The following CMKLR1 variants were observed in gnomAD, a reference collection of about 807,000 sequenced individuals.
CMKLR1 encodes the protein chemerin-like receptor 1.
CMKLR1 carries 6 observed loss-of-function variants against 8.2 expected under a neutral mutation model. The ratio of observed to expected loss-of-function variants is 0.73; its 90% CI spans 0.40 to 1.44. CMKLR1 has a LOEUF of 1.44. Ranked by LOEUF, CMKLR1 falls within the 40% of genes most tolerant of loss-of-function variation. The pLI, the probability that CMKLR1 is intolerant of heterozygous loss-of-function variation, is 0.02. For missense variants in CMKLR1, 429 were observed against 478.0 expected (o/e 0.90, Z 0.96); for synonymous variants, 178 against 181.2 (o/e 0.98, Z 0.14).
intron 2 of CMKLR1, among the ~76,000 whole-genome samples, chr12:108,323,590 A>G (rs1031875610): frequency 2.6e-5 from 4 of 152,166 alleles, no homozygotes; most frequent in African/African-American, 4.8e-5. Flanking sequence ...TCTGCTCCAA[A>G]TGTTCCATGA....
At position 108,290,784 on chromosome 12, in the gene CMKLR1, G is replaced by A. The variant is rs919043934; in HGVS notation, c.*1057C>T. The A allele has an allele frequency of 3.3e-5, 5 of 152,264 alleles. No individual in the cohort carries two copies. Among genetic ancestry groups the A allele is most frequent in the African/African-American group, 1.2e-4 (5 of 41,464 alleles). 9.4% of individuals were successfully genotyped at this position (152,264 alleles called of 1,614,324 possible). ...GCTCCAGACTCTGTCTCAAGTGACT[G>A]AGTCCTCGGACATACTCTTCTTCCC... On this transcript the variant is annotated 3_prime_UTR_variant, in exon 4 of 4. Coordinates refer to ENST00000550402, the MANE Select transcript of CMKLR1 (RefSeq NM_001142343.2).
At position 108,292,114 on chromosome 12, in the gene CMKLR1, C is replaced by T. The variant is rs1402194266; in HGVS notation, c.849G>A (p.Glu283=). ...WCPYHTLNLL[E]LHHTAMPGSV... The stretch of plus-strand genomic sequence containing the variant: ...AGCCAGGCATGGCAGTGTGGTGGAG[C>T]TCTAGGAGGTTGAGTGTGTGGTAGG... The change falls in exon 4 of 4, where the codon GAG becomes GAA. Residue 283 remains glutamate (E), a synonymous_variant. Transcript: ENST00000550402. The T allele has an allele frequency of 6.2e-7, 1 of 1,614,030 alleles. No homozygotes were observed. Among genetic ancestry groups the T allele is most frequent in the African/African-American group, 1.3e-5 (1 of 74,904 alleles).
At position 108,339,245 on chromosome 12, in the gene CMKLR1, G is replaced by T. The variant is rs1026753952; in HGVS notation, c.-505C>A. The T allele has an allele frequency of 1.3e-5, 2 of 152,230 alleles. No homozygotes were observed. The highest frequency in any genetic ancestry group is 6.5e-5 in the Admixed American group (1 of 15,286). The allele number at this position is 152,230 out of a possible 1,614,324, so 9.4% of individuals were successfully genotyped here. A position where few individuals can be genotyped will look rare whatever the true frequency, so the allele number is the denominator to read the frequency against. On this transcript the variant is annotated 5_prime_UTR_variant, in exon 1 of 4. Transcript: ENST00000550402. ...CGCAGCTGGAACACCCCTATCACCC[G>T]GAGGCTTCCCAGGGAGCCTGCTCTG...
intron 2 of CMKLR1, among the ~76,000 whole-genome samples, chr12:108,301,233 G>A (rs150991800): frequency 1.5e-3 from 224 of 151,822 alleles, no homozygotes; most frequent in African/African-American, 4.5e-3. Flanking sequence ...ATCCCACCAC[G>A]CCCAGCTAAC....
intron 1 of CMKLR1, among the ~76,000 whole-genome samples, chr12:108,335,413 T>A (rs1364058260): frequency 6.6e-6 from 1 of 152,186 alleles, no homozygotes; most frequent in Non-Finnish European, 1.5e-5. Context: ...AATGAGGATA[T>A]CTGAGGAGAG....
Position 108,288,922 on chromosome 12 carries a change from G to C in CMKLR1, c.*2919C>G, listed in dbSNP as rs1381525885. Reference sequence around the variant, plus strand: ...AGCTGTGCAACTCTGAACTAGTGAAGTCTGTTCTTGAAACAGAAACTCACT... The same window carrying C: ...AGCTGTGCAACTCTGAACTAGTGAACTCTGTTCTTGAAACAGAAACTCACT... On this transcript the variant is annotated 3_prime_UTR_variant, in exon 4 of 4. Transcript: ENST00000550402. 6.6e-6 allele frequency: 1 copy of C among 151,648 alleles called. No individual in the cohort carries two copies. Among genetic ancestry groups the C allele is most frequent in the Admixed American group, 6.6e-5 (1 of 15,202 alleles). The allele number at this position is 151,648 out of a possible 1,614,324, so 9.4% of individuals were successfully genotyped here.
chr12:108,310,372 TG>T (rs1479166636), intron 2 of CMKLR1, among the ~76,000 whole-genome samples: 2 of 152,008 alleles, frequency 1.3e-5, no homozygotes, highest in Non-Finnish European at 2.9e-5. Flanking sequence ...GTGGCTGATG[TG>T]GGCACTGCGT....
intron 2 of CMKLR1, among the ~76,000 whole-genome samples, chr12:108,294,441 C>T (rs572576096): frequency 3.3e-5 from 5 of 152,286 alleles, no homozygotes; most frequent in East Asian, 1.9e-4. Flanking sequence ...TGCAAGTTTG[C>T]AAGATCTTGG....
At chr12:108,335,418 G>T (rs887687451) in intron 1 of CMKLR1, among the ~76,000 whole-genome samples, 1 of 152,196 alleles carries the variant, frequency 6.6e-6, no homozygotes, top group African/African-American at 2.4e-5. Flanking sequence ...GGATATCTGA[G>T]GAGAGAGTGG....
Position 108,330,088 on chromosome 12 carries a change from G to A in CMKLR1, c.-167C>T, listed in dbSNP as rs1412235365. 6.6e-6 allele frequency: 1 copy of A among 152,202 alleles called. No homozygotes were observed. The highest frequency in any genetic ancestry group is 2.4e-5 in the African/African-American group (1 of 41,438). 9.4% of individuals were successfully genotyped at this position (152,202 alleles called of 1,614,324 possible). ...TTGCTGTGACCAACAGAAAGTGGTA[G>A]AAGTGATGCTGTGCTAGTCCCAGCC... On this transcript the variant is annotated 5_prime_UTR_variant, in exon 2 of 4. Transcript: ENST00000550402.
chr12:108,296,071 C>T (rs1891125901), intron 2 of CMKLR1, among the ~76,000 whole-genome samples: 1 of 152,166 alleles, frequency 6.6e-6, no homozygotes, highest in African/African-American at 2.4e-5. Flanking sequence ...GTAAGGGAGG[C>T]ACAAGTCACA....
At chr12:108,293,208 C>T (rs1051704264) in intron 3 of CMKLR1, among the ~76,000 whole-genome samples, 12 of 152,272 alleles carry the variant, frequency 7.9e-5, no homozygotes, top group African/African-American at 2.9e-4. Flanking sequence ...AGGTTATGAG[C>T]CTCAACTTAC....
At chr12:108,313,150 G>C (rs1312840055) in intron 2 of CMKLR1, among the ~76,000 whole-genome samples, 1 of 152,118 alleles carries the variant, frequency 6.6e-6, no homozygotes, top group Non-Finnish European at 1.5e-5. Flanking sequence ...CCAGGCACAG[G>C]GAAGGAGGGG....
chr12:108,323,408 G>A (rs1156298760), intron 2 of CMKLR1, among the ~76,000 whole-genome samples: 2 of 151,938 alleles, frequency 1.3e-5, no homozygotes, highest in Admixed American at 6.6e-5. Context: ...TGTGGACACA[G>A]GCTCCGGTGG....
chr12:108,302,652 C>G (rs996573108), intron 2 of CMKLR1, among the ~76,000 whole-genome samples: 2 of 152,170 alleles, frequency 1.3e-5, no homozygotes, highest in African/African-American at 4.8e-5. Context: ...CCAGCCACTC[C>G]CAGCCTCAGG....
rs147454446 is a variant in CMKLR1, at chr12:108,319,769, T to G, written c.-74+10226A>C. On this transcript the variant is annotated intron_variant, in intron 2 of 3. Transcript: ENST00000550402. ...CTTGGCCTCACACATAAATGTGGCA[T>G]GATTGTAAGGGAGTATGGTTTAAAA... is the stretch of plus-strand genomic sequence containing the variant. 3.0e-3 allele frequency among the ~76,000 whole-genome samples: 458 copies of G among 152,308 alleles called. 6 individuals carry two copies. The highest frequency in any genetic ancestry group is 0.01 in the African/African-American group (424 of 41,576).
intron 2 of CMKLR1, among the ~76,000 whole-genome samples, chr12:108,314,524 G>T (rs943012481): frequency 2.6e-5 from 4 of 152,138 alleles, no homozygotes; most frequent in African/African-American, 4.8e-5. Flanking sequence ...GCCCCAAACT[G>T]CAATTCAGTA....
chr12:108,313,973 T>G (rs1430293381), intron 2 of CMKLR1, among the ~76,000 whole-genome samples: 1 of 152,170 alleles, frequency 6.6e-6, no homozygotes, highest in Admixed American at 6.6e-5. Context: ...CAGCACTTCC[T>G]CTGCATCATT....
chr12:108,299,692 G>T (rs117491535), intron 2 of CMKLR1, among the ~76,000 whole-genome samples: 1 of 152,286 alleles, frequency 6.6e-6, no homozygotes, highest in Non-Finnish European at 1.5e-5. Context: ...AGAACAGAAG[G>T]CCATGTGGGG....
Sources: gnomAD v4.1 joint callset for allele counts (sites outside exome capture counted in the v4.1 genomes callset) on GRCh38, gnomAD v4.1.1 for gene constraint, MANE v1.5 for transcripts, NCBI Gene and HGNC (gene_info 2026-07-23, HGNC 2026-07-21) for gene names.